The following FKRP variants were observed in gnomAD, a reference collection of about 807,000 sequenced individuals.
FKRP encodes the protein ribitol 5-phosphate transferase FKRP.
A neutral mutation model predicts 30.6 loss-of-function variants in FKRP; 25 were observed. The observed-to-expected ratio is 0.82, with a 90% CI of 0.60 to 1.14. The LOEUF is 1.14. Among genes scored for constraint, FKRP ranks in the 50% most tolerant of loss-of-function variants. The pLI is 0.00. For missense variants in FKRP, 771 were observed against 727.8 expected, an observed-to-expected ratio of 1.06 and a Z score of -0.68; for synonymous variants, 358 against 342.5, an observed-to-expected ratio of 1.05 and a Z score of -0.50.
chr19:46,755,007 T>C (rs1461239030), intron 3 of FKRP, among the ~76,000 whole-genome samples: 3 of 152,120 alleles, frequency 2.0e-5, no homozygotes, highest in Admixed American at 6.6e-5. Context: ...TTAACCATTT[T>C]TCAGCACACA....
chr19:46,746,493 A>ACC lies in FKRP; in HGVS notation c.-253+412_-253+413dup, dbSNP rs376315232. On this transcript the variant is annotated intron_variant, in intron 1 of 3. Transcript: ENST00000318584. The stretch of plus-strand genomic sequence containing the variant: ...CGCGCGCCTGCGCGGCCGCGCCAAC[A>ACC]CCCCCCCCCCTCCCCCGCCGCAACC... 1,330 of 681,554 alleles carry ACC rather than the reference A, an allele frequency of 2.0e-3. 2 individuals are homozygous for ACC. The highest frequency in any genetic ancestry group is 0.01 in the African/African-American group (461 of 45,794). 42.2% of individuals were successfully genotyped at this position (681,554 alleles called of 1,614,324 possible). A position where few individuals can be genotyped will look rare whatever the true frequency, so the allele number is the denominator to read the frequency against.
rs2054922276 is a variant in FKRP at position 46,756,350 on chromosome 19, G to T, written c.900G>T (p.Val300=). 2 of 1,559,490 alleles carry T rather than the reference G, an allele frequency of 1.3e-6. No homozygotes were observed. The highest frequency in any genetic ancestry group is 1.7e-6 in the Non-Finnish European group (2 of 1,155,134). ...AGACCACGCGCTGCTTCGGAACCGT[G>T]GTGGGCGACACGCCCGCCTACCTCT... ...NKETTRCFGT[V]VGDTPAYLYE... Residue 300 remains valine, a synonymous_variant, in exon 4 of 4, where the codon GTG becomes GTT. Coordinates refer to ENST00000318584, the MANE Select transcript of FKRP (RefSeq NM_024301.5). The surrounding 1 kb of genome is among the most constrained non-coding windows in gnomAD (Gnocchi z 6.6).
At position 46,756,050 on chromosome 19, in the gene FKRP, G is replaced by T. The variant is rs2054910281; in HGVS notation, c.600G>T (p.Val200=). 2 of 1,577,440 alleles carry T rather than the reference G, an allele frequency of 1.3e-6. No individual in the cohort carries two copies. The highest frequency in any genetic ancestry group is 1.7e-6 in the Non-Finnish European group (2 of 1,170,490). The change falls in exon 4 of 4, where the codon GTG becomes GTT. Residue 200 remains valine, a synonymous_variant. Transcript: ENST00000318584. This position sits in a 1 kb window ranked among gnomAD's most constrained non-coding sequence, Gnocchi z 6.6. The stretch of plus-strand genomic sequence containing the variant: ...ACGCCCTGGACGGAGATGCTGTGGT[G>T]CTCCTGCGCGCCCGCGACCTCTTCA... ...RCDALDGDAV[V]LLRARDLFNL...
rs752582904 is a variant in FKRP, at chr19:46,756,397, C to G, written c.947C>G (p.Pro316Arg). The change falls in exon 4 of 4, where the codon CCC becomes CGC. Residue 316 changes from proline to arginine, a missense_variant. Pro to Arg is a moderately radical substitution (Grantham distance 103). Transcript: ENST00000318584. This position sits in a 1 kb window ranked among gnomAD's most constrained non-coding sequence, Gnocchi z 6.6. ...CTCTACGAGGAGCGCTGGACGCCCC[C>G]CTGCTGCCTGCGCGCGCTGCGCGAG... ...AYLYEERWTP[P>R]CCLRALRETA... The G allele has an allele frequency of 4.5e-6, 7 of 1,569,102 alleles. No individual in the cohort carries two copies. Among genetic ancestry groups the G allele is most frequent in the Non-Finnish European group, 5.2e-6 (6 of 1,158,340 alleles).
In FKRP at chr19:46,756,114, C is replaced by G; in HGVS notation, c.664C>G (p.Leu222Val). ...APLARPVGTS[L>V]FLQTALRGWA... is the part of the protein sequence containing the mutation. The stretch of plus-strand genomic sequence containing the variant: ...CCTGGCCCGGCCGGTGGGCACCAGC[C>G]TCTTTCTGCAGACCGCCCTTCGCGG... The change falls in exon 4 of 4, where the codon CTC becomes GTC. Residue 222 changes from leucine to valine, a missense_variant. By Grantham distance (32) the Leu-to-Val change is conservative. Coordinates refer to ENST00000318584, the MANE Select transcript of FKRP (RefSeq NM_024301.5). The surrounding 1 kb of genome is among the most constrained non-coding windows in gnomAD (Gnocchi z 6.6). 1.3e-6 allele frequency: 2 copies of G among 1,525,660 alleles called. No homozygotes were observed. Among genetic ancestry groups the G allele is most frequent in the Non-Finnish European group, 1.7e-6 (2 of 1,146,842 alleles). The allele number at this position is 1,525,660 out of a possible 1,614,324, so 94.5% of individuals were successfully genotyped here.
In FKRP at chr19:46,755,690, G is replaced by A; in HGVS notation, c.240G>A (p.Val80=). Residue 80 remains valine (V), a synonymous_variant, in exon 4 of 4, where the codon GTG becomes GTA. Coordinates refer to ENST00000318584, the MANE Select transcript of FKRP (RefSeq NM_024301.5). ...AGCAAGACCCAGCCCAGCCCGTGGTGGTGGCAGCCGACACGCTCCCCTACC... is the reference window on the plus strand; with the variant it reads ...AGCAAGACCCAGCCCAGCCCGTGGTAGTGGCAGCCGACACGCTCCCCTACC... ...FLQQDPAQPV[V]VAADTLPYPP... The A allele has an allele frequency of 1.3e-6, 2 of 1,587,992 alleles. No individual in the cohort carries two copies. Among genetic ancestry groups the A allele is most frequent in the South Asian group, 1.1e-5 (1 of 89,216 alleles).
At position 46,755,610 on chromosome 19, in the gene FKRP, CG is replaced by C; in HGVS notation, c.163del (p.Glu55SerfsTer13). 6.2e-7 allele frequency: 1 copy of C among 1,605,048 alleles called. No homozygotes were observed. On this transcript the variant is annotated frameshift_variant, in exon 4 of 4. Transcript: ENST00000318584. LOFTEE classifies it high-confidence loss of function. ...AAGPRVTVLV[R>X]EFEAFDNAVP... ...CGGCCCCCGTGTCACCGTCCTGGTG[CG>C]GGAGTTCGAGGCATTTGACAACGCG...
intron 1 of FKRP, chr19:46,746,493 A>ACCCC (rs376315232): frequency 4.4e-6 from 3 of 681,706 alleles, no homozygotes; most frequent in Non-Finnish European, 5.3e-6. Context: ...CCGCGCCAAC[A>ACCCC]CCCCCCCCCC....
intron 2 of FKRP, 104 bp from the exon 3 acceptor site, chr19:46,748,411 C>T (rs1032539223): frequency 6.6e-6 from 1 of 151,990 alleles, no homozygotes; most frequent in South Asian, 2.1e-4. Flanking sequence ...CTTCTGACCT[C>T]GTGATCCGCC....
chr19:46,754,794 T>G (rs549395821), intron 3 of FKRP, among the ~76,000 whole-genome samples: 5 of 152,030 alleles, frequency 3.3e-5, no homozygotes, highest in African/African-American at 1.2e-4. Flanking sequence ...TTAGTAGAGA[T>G]GGGGTTTCAC....
rs956832118 is a variant in FKRP, at chr19:46,748,071, C to T, written c.-208C>T. On this transcript the variant is annotated 5_prime_UTR_variant, in exon 2 of 4. An upstream open reading frame in the 5' UTR gains an earlier in-frame stop. Transcript: ENST00000318584. ...TGGAACTGCCCTCCTGGAACTCCCCCAGCCTACAACCTAGGAGGTAAGAAG... is the reference window on the plus strand; with the variant it reads ...TGGAACTGCCCTCCTGGAACTCCCCTAGCCTACAACCTAGGAGGTAAGAAG... 6.6e-6 allele frequency: 1 copy of T among 152,216 alleles called. No individual in the cohort carries two copies. Among genetic ancestry groups the T allele is most frequent in the African/African-American group, 2.4e-5 (1 of 41,438 alleles). 9.4% of individuals were successfully genotyped at this position (152,216 alleles called of 1,614,324 possible).
In FKRP at chr19:46,756,596, G is replaced by A; in HGVS notation, c.1146G>A (p.Glu382=). The A allele has an allele frequency of 1.2e-6, 2 of 1,610,724 alleles. No individual in the cohort carries two copies. Among genetic ancestry groups the A allele is most frequent in the Non-Finnish European group, 1.7e-6 (2 of 1,178,998 alleles). ...ACTGCGAGCAGCTGCGGGGGGCAGA[G>A]GCCGGCTCGGTGGTGGATGAGCGCG... ...VGNCEQLRGA[E]AGSVVDERGF... The change falls in exon 4 of 4, where the codon GAG becomes GAA. Residue 382 remains glutamate (E), a synonymous_variant. Transcript: ENST00000318584. This position sits in a 1 kb window ranked among gnomAD's most constrained non-coding sequence, Gnocchi z 6.6.
At chr19:46,746,260 C>A in intron 1 of FKRP, 170 bp downstream of exon 1, 1 of 1,490,370 alleles carries the variant, frequency 6.7e-7, no homozygotes, top group Non-Finnish European at 8.9e-7. Flanking sequence ...CCGGGCCCGC[C>A]GTGGGCCCGG....
chr19:46,745,316 T>G (rs932522791), upstream of FKRP, among the ~76,000 whole-genome samples: 3 of 152,124 alleles, frequency 2.0e-5, no homozygotes, highest in African/African-American at 7.2e-5. Flanking sequence ...TCCAGGCTCC[T>G]AGGGTACATT....
rs34544320 is a variant in FKRP at position 46,749,408 on chromosome 19, CTT to C, written c.-40+763_-40+764del. On this transcript the variant is annotated intron_variant, in intron 3 of 3. Coordinates refer to ENST00000318584, the MANE Select transcript of FKRP (RefSeq NM_024301.5). The stretch of plus-strand genomic sequence containing the variant: ...CTTTAACTCTCTGTGCCTTTGTTTC[CTT>C]TTTTTTTTTTTTTTTTTTTGAGATA... 7.4e-3 allele frequency among the ~76,000 whole-genome samples: 844 copies of C among 114,790 alleles called. 3 individuals carry two copies. Among genetic ancestry groups the C allele is most frequent in the African/African-American group, 0.027 (803 of 29,682 alleles). The allele number at this position is 114,790 out of a possible 152,430, so 75.3% of individuals were successfully genotyped here. A position where few individuals can be genotyped will look rare whatever the true frequency, so the allele number is the denominator to read the frequency against.
intron 3 of FKRP, among the ~76,000 whole-genome samples, chr19:46,752,207 T>A (rs1162821011): frequency 6.6e-6 from 1 of 151,996 alleles, no homozygotes; most frequent in Non-Finnish European, 1.5e-5. Context: ...GAAATGTGAG[T>A]TGTGACAGGA....
rs1251312754 is a variant in FKRP at position 46,754,803 on chromosome 19, ACCG to A, written c.-39-608_-39-606del. Among the ~76,000 whole-genome samples the A allele has an allele frequency of 3.1e-3, 473 of 151,076 alleles. 1 individual carries two copies. The highest frequency in any genetic ancestry group is 0.011 in the African/African-American group (452 of 40,524). ...GTATTTTTAGTAGAGATGGGGTTTCACCGTGTTGGCCAGGCTGGTCTCAAACTC... is the reference window on the plus strand; with the variant it reads ...GTATTTTTAGTAGAGATGGGGTTTCATGTTGGCCAGGCTGGTCTCAAACTC... On this transcript the variant is annotated intron_variant, in intron 3 of 3. Transcript: ENST00000318584.
rs1447825174 is a variant in FKRP, at chr19:46,748,089, G to A, written c.-191+1G>A. ...ACTCCCCCAGCCTACAACCTAGGAG[G>A]TAAGAAGTCCCTCAGTGTCACCTAC... On this transcript the variant is annotated splice_donor_variant, in intron 2 of 3. Coordinates refer to ENST00000318584, the MANE Select transcript of FKRP (RefSeq NM_024301.5). LOFTEE classifies it low-confidence loss of function (5UTR_SPLICE). 1.3e-5 allele frequency: 2 copies of A among 152,178 alleles called. No individual in the cohort carries two copies. 9.4% of individuals were successfully genotyped at this position (152,178 alleles called of 1,614,324 possible). A position where few individuals can be genotyped will look rare whatever the true frequency, so the allele number is the denominator to read the frequency against.
chr19:46,755,911 G>A lies in FKRP; in HGVS notation c.461G>A (p.Arg154His). ...GAGGCGCTCCGCGCAGGAAGCGCAC[G>A]TCTGGTGGCCGCCCCGGTTGCCACG... ...MVEALRAGSA[R>H]LVAAPVATAN... Residue 154 changes from arginine to histidine, a missense_variant, in exon 4 of 4, where the codon CGT (arginine) becomes CAT (histidine). Transcript: ENST00000318584. 1.3e-6 allele frequency: 2 copies of A among 1,526,576 alleles called. No individual in the cohort carries two copies. Among genetic ancestry groups the A allele is most frequent in the Non-Finnish European group, 1.8e-6 (2 of 1,142,258 alleles). 94.6% of individuals were successfully genotyped at this position (1,526,576 alleles called of 1,614,324 possible).
Sources: allele counts gnomAD v4.1 joint callset (sites outside exome capture counted in the v4.1 genomes callset), GRCh38; gene constraint gnomAD v4.1.1; non-coding constraint Gnocchi (gnomAD v3.1); transcripts MANE v1.5; gene names NCBI Gene and HGNC (gene_info 2026-07-23, HGNC 2026-07-21).